ELOVL7: variants seen among roughly 807,000 people sequenced by gnomAD.
ELOVL7 encodes the protein ELOVL fatty acid elongase 7.
In ELOVL7, 27 loss-of-function variants were observed where a neutral mutation model predicts 35.7. The ratio of observed to expected loss-of-function variants is 0.76; its 90% CI spans 0.56 to 1.04. The LOEUF (loss-of-function observed/expected upper bound fraction) is 1.04, where lower values mean the gene tolerates loss of function less well. Among genes scored for constraint, ELOVL7 ranks in the 50% least tolerant of loss-of-function variants. The pLI is 0.00. For synonymous variants in ELOVL7, 113 were observed against 114.6 expected (o/e 0.99, Z 0.09); for missense variants, 327 against 340.8 (o/e 0.96, Z 0.32).
At chr5:60,810,289 T>A (rs1220980362) in intron 1 of ELOVL7, among the ~76,000 whole-genome samples, 9 of 152,212 alleles carry the variant, frequency 5.9e-5, no homozygotes, top group African/African-American at 2.2e-4. Context: ...TATATTTCAA[T>A]ACTTAACACA....
chr5:60,779,484 C>G (rs546407731), intron 3 of ELOVL7, among the ~76,000 whole-genome samples: 15 of 152,328 alleles, frequency 9.8e-5, no homozygotes, highest in Admixed American at 5.2e-4. Flanking sequence ...CATGGAGAAG[C>G]TGCCAAAGCT....
chr5:60,814,811 A>G (rs1745428547), intron 1 of ELOVL7, among the ~76,000 whole-genome samples: 2 of 152,172 alleles, frequency 1.3e-5, no homozygotes, highest in South Asian at 2.1e-4. Context: ...GGTGAAATGA[A>G]TTTCATCAAT....
intron 3 of ELOVL7, among the ~76,000 whole-genome samples, chr5:60,772,330 T>C (rs1343530076): frequency 6.6e-6 from 1 of 152,062 alleles, no homozygotes; most frequent in Non-Finnish European, 1.5e-5. Context: ...ATGATGGTAT[T>C]AGTGCCCTTA....
chr5:60,788,667 C>T lies in ELOVL7; in HGVS notation c.-34-1236G>A, dbSNP rs557554702. On this transcript the variant is annotated intron_variant, in intron 2 of 8. Transcript: ENST00000508821. ...ACGGGTGCCTGTAATCCCAGCTACTCGGGAGGCTGAGGCAGGAAAATTGCT... is the reference window on the plus strand; with the variant it reads ...ACGGGTGCCTGTAATCCCAGCTACTTGGGAGGCTGAGGCAGGAAAATTGCT... Among the ~76,000 whole-genome samples, 116 of 151,472 alleles carry T rather than the reference C, an allele frequency of 7.7e-4. 1 individual carries two copies. The East Asian group carries it at 0.019, about 25-fold the overall frequency.
chr5:60,824,511 G>A (rs1417319095), intron 1 of ELOVL7, among the ~76,000 whole-genome samples: 1 of 152,192 alleles, frequency 6.6e-6, no homozygotes, highest in African/African-American at 2.4e-5. Flanking sequence ...ATTTTCCTAT[G>A]GAAGTGAAAA....
At chr5:60,835,149 CA>C (rs1185378330) in intron 1 of ELOVL7, among the ~76,000 whole-genome samples, 1 of 147,522 alleles carries the variant, frequency 6.8e-6, no homozygotes, top group Non-Finnish European at 1.5e-5. Flanking sequence ...GAGAGCAAGC[CA>C]CTGCACTCCA....
At chr5:60,784,146 C>T in intron 3 of ELOVL7, 1 of 1,521,116 alleles carries the variant, frequency 6.6e-7, no homozygotes, top group Non-Finnish European at 8.8e-7. Flanking sequence ...GTATTCTCTT[C>T]TTAAGTAGCA....
At chr5:60,768,614 T>A in intron 4 of ELOVL7, 1 of 444,476 alleles carries the variant, frequency 2.2e-6, no homozygotes, top group Non-Finnish European at 4.5e-6. Flanking sequence ...AAATCTGAAG[T>A]GTAATTCAAA....
At chr5:60,781,212 G>GA (rs34249182) in intron 3 of ELOVL7, among the ~76,000 whole-genome samples, 30,512 of 124,330 alleles carry the variant, frequency 0.25, 3,691 homozygotes, top group Non-Finnish European at 0.31. Context: ...CCCTGTCTCA[G>GA]AAAAAAAAAA....
intron 3 of ELOVL7, among the ~76,000 whole-genome samples, chr5:60,786,863 A>T (rs1743626348): frequency 6.6e-6 from 1 of 151,856 alleles, no homozygotes; most frequent in Non-Finnish European, 1.5e-5. Flanking sequence ...AATGGCGTGA[A>T]CCAGGGAGGC....
chr5:60,779,846 T>C (rs1179605239), intron 3 of ELOVL7, among the ~76,000 whole-genome samples: 1 of 152,216 alleles, frequency 6.6e-6, no homozygotes, highest in Non-Finnish European at 1.5e-5. Flanking sequence ...ACTTTTATGG[T>C]CCTTCCTCTT....
chr5:60,806,407 C>A (rs1338409871), intron 1 of ELOVL7, among the ~76,000 whole-genome samples: 1 of 152,060 alleles, frequency 6.6e-6, no homozygotes, highest in African/African-American at 2.4e-5. Context: ...AAGAGGCAAT[C>A]ATTGTCATGG....
At chr5:60,797,514 C>T (rs556951535) in intron 2 of ELOVL7, among the ~76,000 whole-genome samples, 1 of 152,332 alleles carries the variant, frequency 6.6e-6, no homozygotes, top group South Asian at 2.1e-4. Context: ...GTGCCCATGC[C>T]TCCTGGCACA....
intron 4 of ELOVL7, among the ~76,000 whole-genome samples, chr5:60,770,588 A>G (rs887938427): frequency 6.6e-6 from 1 of 152,204 alleles, no homozygotes; most frequent in Non-Finnish European, 1.5e-5. Context: ...TCAGTTGCTC[A>G]TACTCCTGAA....
intron 8 of ELOVL7, 69 bp downstream of exon 8, chr5:60,757,440 C>T: frequency 1.3e-6 from 2 of 1,492,956 alleles, no homozygotes; most frequent in South Asian, 2.5e-5. Context: ...AACCAGTATC[C>T]TAATTCACAG....
In ELOVL7 at chr5:60,754,768, C is replaced by G; in HGVS notation, c.702G>C (p.Gln234His). Reference sequence around the variant, plus strand: ...TAATGATGCACGCAAAGACTGGAAACTGATACTTGCAATCCTCCATGAAAA... The same window carrying G: ...TAATGATGCACGCAAAGACTGGAAAGTGATACTTGCAATCCTCCATGAAAA... ...QFFFMEDCKYQFPVFACIIMS... is the reference protein window; with the variant it reads ...QFFFMEDCKYHFPVFACIIMS... The change falls in exon 9 of 9, where the codon CAG becomes CAC. Residue 234 changes from glutamine to histidine, a missense_variant. Coordinates refer to ENST00000508821, the MANE Select transcript of ELOVL7 (RefSeq NM_024930.3). 1 of 1,614,124 alleles carries G rather than the reference C, an allele frequency of 6.2e-7. No homozygotes were observed. Among genetic ancestry groups the G allele is most frequent in the Non-Finnish European group, 8.5e-7 (1 of 1,180,024 alleles).
At chr5:60,806,507 G>C (rs1744933435) in intron 1 of ELOVL7, among the ~76,000 whole-genome samples, 2 of 152,122 alleles carry the variant, frequency 1.3e-5, no homozygotes, top group African/African-American at 4.8e-5. Context: ...GAATCAGGAA[G>C]AGCAGCTGAG....
At chr5:60,764,492 G>A (rs1268626751) in intron 6 of ELOVL7, among the ~76,000 whole-genome samples, 160 bp from the exon 7 acceptor site, 1 of 152,136 alleles carries the variant, frequency 6.6e-6, no homozygotes, top group Non-Finnish European at 1.5e-5. Flanking sequence ...TCCCCAAGGG[G>A]CAGCTCAAAT....
At chr5:60,775,678 AC>A (rs1461458388) in intron 3 of ELOVL7, among the ~76,000 whole-genome samples, 2 of 152,332 alleles carry the variant, frequency 1.3e-5, no homozygotes, top group South Asian at 2.1e-4. Context: ...AAAGGAGCAT[AC>A]CTAAAACCAA....
Sources: gnomAD v4.1 joint callset for allele counts (sites outside exome capture counted in the v4.1 genomes callset) on GRCh38, gnomAD v4.1.1 for gene constraint, MANE v1.5 for transcripts, NCBI Gene and HGNC (gene_info 2026-07-23, HGNC 2026-07-21) for gene names.